OLAH: variants seen among roughly 807,000 people sequenced by gnomAD.
The protein encoded by OLAH is oleoyl-ACP hydrolase.
Under a neutral mutation model 27.8 loss-of-function variants are expected in OLAH, and 33 were observed. That is an observed-to-expected ratio of 1.19 (90% confidence interval 0.90 to 1.59). The LOEUF (loss-of-function observed/expected upper bound fraction) is 1.59, where lower values mean the gene tolerates loss of function less well. Among genes scored for constraint, OLAH ranks in the 40% most tolerant of loss-of-function variants. The pLI, the probability that OLAH is intolerant of heterozygous loss-of-function variation, is 0.00. For synonymous variants in OLAH, 120 were observed against 102.9 expected (o/e 1.17, Z -1.01); for missense variants, 359 against 310.8 (o/e 1.16, Z -1.17).
chr10:15,071,707 AC>A, intron 6 of OLAH, 87 bp from the exon 7 acceptor site: 1 of 1,462,106 alleles, frequency 6.8e-7, no homozygotes, highest in South Asian at 1.2e-5. Context: ...AAGTGAACCC[AC>A]CCCAAGTTTC....
chr10:15,038,756 G>A (rs911642235), intron 1 of OLAH: 4 of 152,190 alleles, frequency 2.6e-5, no homozygotes, highest in South Asian at 2.1e-4. Context: ...GCATGAAAAC[G>A]GACTAACGCA....
intron 6 of OLAH, among the ~76,000 whole-genome samples, chr10:15,066,407 A>AAGTGTGGAGGCAAACC (rs1844467896): frequency 2.0e-5 from 3 of 152,018 alleles, no homozygotes; most frequent in Non-Finnish European, 4.4e-5. Context: ...TACTTATTGT[A>AAGTGTGGAGGCAAACC]AGTGTGGAGG....
intron 3 of OLAH, among the ~76,000 whole-genome samples, chr10:15,051,524 G>A (rs144687977): frequency 5.6e-4 from 85 of 152,220 alleles, no homozygotes; most frequent in African/African-American, 1.8e-3. Flanking sequence ...CCAACCTGTC[G>A]ACATCTTGGG....
chr10:15,052,796 GCA>G (rs770335009), intron 3 of OLAH, among the ~76,000 whole-genome samples: 144 of 145,782 alleles, frequency 9.9e-4, no homozygotes, highest in Non-Finnish European at 1.7e-3. Flanking sequence ...AGGCCGGAGT[GCA>G]GTGGCGTGAT....
chr10:15,042,519 C>T (rs1454778449), upstream of OLAH, among the ~76,000 whole-genome samples: 1 of 152,174 alleles, frequency 6.6e-6, no homozygotes, highest in Non-Finnish European at 1.5e-5. Flanking sequence ...CCCTCTCAAA[C>T]ATTTATCCTT....
intron 6 of OLAH, chr10:15,071,580 C>A: frequency 1.0e-6 from 1 of 985,448 alleles, no homozygotes; most frequent in Non-Finnish European, 1.2e-6. Context: ...CCACGTGTCA[C>A]ATCCTAGAAG....
chr10:15,042,549 T>G (rs1843938552), upstream of OLAH, among the ~76,000 whole-genome samples: 1 of 152,208 alleles, frequency 6.6e-6, no homozygotes, highest in Non-Finnish European at 1.5e-5. Flanking sequence ...GACAATCCAA[T>G]TATACTCTTC....
chr10:15,065,978 T>A (rs774083401), intron 6 of OLAH, among the ~76,000 whole-genome samples: 23 of 152,146 alleles, frequency 1.5e-4, no homozygotes, highest in East Asian at 5.8e-4. Flanking sequence ...CAGTGACTCA[T>A]GCCTATAATT....
At chr10:15,033,666 T>A (rs1391263859) in intron 1 of OLAH, among the ~76,000 whole-genome samples, 1 of 152,086 alleles carries the variant, frequency 6.6e-6, no homozygotes, top group Non-Finnish European at 1.5e-5. Flanking sequence ...GCACCTGCAG[T>A]TTGGGCATTC....
Position 15,051,059 on chromosome 10 carries a change from G to GTTT in OLAH, c.163+1295_163+1297dup, listed in dbSNP as rs1844129138. ...TGTAAATCTGGCTGATTTCAAGACTGTTTATTATTATTATTATTATTTTTT... is the reference window on the plus strand; with the variant it reads ...TGTAAATCTGGCTGATTTCAAGACTGTTTTTTATTATTATTATTATTATTTTTT... On this transcript the variant is annotated intron_variant, in intron 3 of 7. Transcript: ENST00000378228. Among the ~76,000 whole-genome samples, 5 of 126,844 alleles carry GTTT rather than the reference G, an allele frequency of 3.9e-5. No homozygotes were observed. In the South Asian group the frequency reaches 1.0e-3, roughly 26 times the overall value. The allele number at this position is 126,844 out of a possible 152,430, so 83.2% of individuals were successfully genotyped here.
intron 3 of OLAH, among the ~76,000 whole-genome samples, chr10:15,058,143 GT>G (rs1844282686): frequency 6.6e-6 from 1 of 152,096 alleles, no homozygotes; most frequent in African/African-American, 2.4e-5. Flanking sequence ...TGTTTCTCCA[GT>G]TTAAAAAGTA....
intron 4 of OLAH, among the ~76,000 whole-genome samples, 176 bp from the exon 5 acceptor site, chr10:15,064,227 C>T (rs1293896582): frequency 2.0e-5 from 3 of 152,148 alleles, no homozygotes; most frequent in South Asian, 2.1e-4. Context: ...GTCTTTGAAA[C>T]AGTTTTTATG....
intron 1 of OLAH, among the ~76,000 whole-genome samples, chr10:15,036,335 T>C (rs921413878): frequency 6.6e-6 from 1 of 152,094 alleles, no homozygotes; most frequent in African/African-American, 2.4e-5. Context: ...CCATCTCTAC[T>C]AAAAATACAG....
chr10:15,039,352 T>C (rs1302693897), upstream of OLAH, among the ~76,000 whole-genome samples: 2 of 151,142 alleles, frequency 1.3e-5, no homozygotes, highest in African/African-American at 2.4e-5. Context: ...CCAAGGCAGG[T>C]AGATCACCTG....
At chr10:15,052,752 A>G (rs138641802) in intron 3 of OLAH, among the ~76,000 whole-genome samples, 4,624 of 119,228 alleles carry the variant, frequency 0.039, 114 homozygotes, top group Middle Eastern at 0.083. Context: ...TTTTGGTGAC[A>G]GAGTCTCACT....
chr10:15,061,951 C>A, intron 4 of OLAH, 89 bp downstream of exon 4: 2 of 1,278,584 alleles, frequency 1.6e-6, no homozygotes, highest in Non-Finnish European at 1.1e-6. Context: ...TTGTAAGATG[C>A]ATACCTTTGT....
chr10:15,036,037 C>T (rs1283533226), intron 1 of OLAH, among the ~76,000 whole-genome samples: 2 of 152,144 alleles, frequency 1.3e-5, no homozygotes, highest in African/African-American at 4.8e-5. Context: ...GCTGTATATG[C>T]CTGCAATGAG....
rs190705713 is a variant in OLAH, at chr10:15,055,849, T to A, written c.164-5875T>A. On this transcript the variant is annotated intron_variant, in intron 3 of 7. Coordinates refer to ENST00000378228, the MANE Select transcript of OLAH (RefSeq NM_001039702.3). The stretch of plus-strand genomic sequence containing the variant: ...AATCTCTCATATTTCTAACTTTATA[T>A]ACTTTTTTTTTTTTTTTGGAGACAG... 1.5e-4 allele frequency among the ~76,000 whole-genome samples: 22 copies of A among 149,438 alleles called. No homozygotes were observed. In the East Asian group the frequency reaches 4.3e-3, roughly 29 times the overall value.
chr10:15,050,178 G>C (rs1206966565), intron 3 of OLAH, among the ~76,000 whole-genome samples: 2 of 152,218 alleles, frequency 1.3e-5, no homozygotes, highest in African/African-American at 4.8e-5. Flanking sequence ...AGCACTTTGG[G>C]AGGCTGAGGC....
Sources: gnomAD v4.1 joint callset for allele counts (sites outside exome capture counted in the v4.1 genomes callset) on GRCh38, gnomAD v4.1.1 for gene constraint, MANE v1.5 for transcripts, NCBI Gene and HGNC (gene_info 2026-07-23, HGNC 2026-07-21) for gene names.